AJAP1: variants seen among roughly 807,000 people sequenced by gnomAD.
AJAP1 encodes adherens junctions associated protein 1, also known as adherens junction-associated protein 1.
In AJAP1, 5 loss-of-function variants were observed where a neutral mutation model predicts 35.0. That is an observed-to-expected ratio of 0.14 (90% CI 0.07 to 0.30). The LOEUF (loss-of-function observed/expected upper bound fraction) is 0.30, where lower values mean the gene tolerates loss of function less well. Among genes scored for constraint, AJAP1 ranks in the 10% least tolerant of loss-of-function variants. The probability of loss-of-function intolerance (pLI) is 1.00; values close to 1 mark genes in which losing one functional copy is unlikely to be tolerated. For missense variants in AJAP1, 586 were observed against 571.0 expected (o/e 1.03, Z -0.27); for synonymous variants, 284 against 249.3 (o/e 1.14, Z -1.31).
chr1:4,729,431 C>T (rs1640748840), intron 2 of AJAP1, among the ~76,000 whole-genome samples: 1 of 152,232 alleles, frequency 6.6e-6, no homozygotes, highest in African/African-American at 2.4e-5. Flanking sequence ...TTTTCGGCTC[C>T]TGGCCTCTGA....
Position 4,705,395 on chromosome 1 carries a change from C to CTTTTTT in AJAP1, c.30-6476_30-6471dup, listed in dbSNP as rs58022692. The stretch of plus-strand genomic sequence containing the variant: ...AGCCAAATGGGGAAGTTTTGAAGAG[C>CTTTTTT]TTTTTTTTTTTTTTTTTTTTTTTTT... On this transcript the variant is annotated intron_variant, in intron 1 of 5. Transcript: ENST00000378191. 4.6e-4 allele frequency among the ~76,000 whole-genome samples: 11 copies of CTTTTTT among 23,800 alleles called. 1 individual carries two copies. Among genetic ancestry groups the CTTTTTT allele is most frequent in the Non-Finnish European group, 6.0e-4 (8 of 13,354 alleles). 15.6% of individuals were successfully genotyped at this position (23,800 alleles called of 152,430 possible).
At chr1:4,745,796 T>C (rs1461568546) in intron 2 of AJAP1, among the ~76,000 whole-genome samples, 1 of 152,126 alleles carries the variant, frequency 6.6e-6, no homozygotes, top group Non-Finnish European at 1.5e-5. Flanking sequence ...AAGGCCAGCG[T>C]CCTGATGTCC....
intron 2 of AJAP1, among the ~76,000 whole-genome samples, chr1:4,716,170 A>G (rs1315886828): frequency 6.6e-6 from 1 of 152,200 alleles, no homozygotes; most frequent in East Asian, 1.9e-4. Context: ...TCTGGAAGTA[A>G]CATTACTTGG....
intron 1 of AJAP1, among the ~76,000 whole-genome samples, chr1:4,711,537 G>A (rs990687121): frequency 1.3e-5 from 2 of 152,208 alleles, no homozygotes; most frequent in African/African-American, 4.8e-5. Flanking sequence ...GGACTCACAG[G>A]TCTTTTCAGG....
In AJAP1 at chr1:4,783,212, C is replaced by CA. The variant is rs1045103122; in HGVS notation, c.*728dup. ...CAACTCACGTCACACACATATTACACACATGTGCGCATTACACACACACAA... is the reference window on the plus strand; with the variant it reads ...CAACTCACGTCACACACATATTACACAACATGTGCGCATTACACACACACAA... On this transcript the variant is annotated 3_prime_UTR_variant, in exon 6 of 6. Transcript: ENST00000378191. 2 of 131,476 alleles carry CA rather than the reference C, an allele frequency of 1.5e-5. No homozygotes were observed. Among genetic ancestry groups the CA allele is most frequent in the Non-Finnish European group, 1.4e-5 (1 of 71,398 alleles). 8.1% of individuals were successfully genotyped at this position (131,476 alleles called of 1,614,324 possible). A position where few individuals can be genotyped will look rare whatever the true frequency, so the allele number is the denominator to read the frequency against.
Position 4,692,349 on chromosome 1 carries a change from C to T in AJAP1, c.30-19551C>T, listed in dbSNP as rs1438729079. ...CTCTGGGCCCCTCATGCAGCCCTTT[C>T]CCTTCTGGCCTCTCAGCCTGCAGGA... On this transcript the variant is annotated intron_variant, in intron 1 of 5. Coordinates refer to ENST00000378191, the MANE Select transcript of AJAP1 (RefSeq NM_018836.4). The surrounding 1 kb of genome is among the most constrained non-coding windows in gnomAD (Gnocchi z 4.4). 6.6e-6 allele frequency among the ~76,000 whole-genome samples: 1 copy of T among 152,162 alleles called. No individual in the cohort carries two copies. Among genetic ancestry groups the T allele is most frequent in the Non-Finnish European group, 1.5e-5 (1 of 68,028 alleles).
At chr1:4,710,286 TCA>T (rs1264465005) in intron 1 of AJAP1, among the ~76,000 whole-genome samples, 4 of 151,916 alleles carry the variant, frequency 2.6e-5, no homozygotes, top group East Asian at 1.9e-4. Flanking sequence ...CAGTACACTC[TCA>T]CACACGCACC....
At chr1:4,685,628 C>G (rs555686755) in intron 1 of AJAP1, among the ~76,000 whole-genome samples, 64 of 146,702 alleles carry the variant, frequency 4.4e-4, no homozygotes, top group African/African-American at 1.6e-3. Context: ...GCTGGAGGAG[C>G]TCATTGCCGG....
intron 1 of AJAP1, among the ~76,000 whole-genome samples, chr1:4,687,485 C>G (rs537771521): frequency 1.3e-5 from 2 of 152,156 alleles, no homozygotes; most frequent in African/African-American, 4.8e-5. Flanking sequence ...GGGCTGGGAC[C>G]AAGACCCCTG....
intron 2 of AJAP1, among the ~76,000 whole-genome samples, chr1:4,727,256 T>C (rs242045): frequency 0.57 from 86,964 of 152,072 alleles, 26,154 homozygotes; most frequent in East Asian, 0.99. Flanking sequence ...AGCCTCAGAA[T>C]AGTGTGGCCT....
intron 2 of AJAP1, among the ~76,000 whole-genome samples, chr1:4,738,371 G>A (rs143441599): frequency 5.3e-5 from 8 of 152,376 alleles, no homozygotes; most frequent in African/African-American, 1.9e-4. Context: ...CAAGAAGAAT[G>A]TGGATTGACT....
At chr1:4,747,170 G>A (rs1336938457) in intron 2 of AJAP1, among the ~76,000 whole-genome samples, 1 of 152,194 alleles carries the variant, frequency 6.6e-6, no homozygotes, top group African/African-American at 2.4e-5. Context: ...TGAGAGGTCT[G>A]TCCTTGCGGG....
At chr1:4,725,784 C>T (rs1033255545) in intron 2 of AJAP1, among the ~76,000 whole-genome samples, 1 of 152,104 alleles carries the variant, frequency 6.6e-6, no homozygotes, top group Non-Finnish European at 1.5e-5. Flanking sequence ...GCTTGTAGAC[C>T]CTGTCTCCTC....
chr1:4,772,340 G>A lies in AJAP1; in HGVS notation c.978G>A (p.Glu326=), dbSNP rs145524113. 7 of 1,614,224 alleles carry A rather than the reference G, an allele frequency of 4.3e-6. No homozygotes were observed. The highest frequency in any genetic ancestry group is 5.9e-6 in the Non-Finnish European group (7 of 1,180,044). ...ACCAGCGGAAGACCAACCAGCAGGA[G>A]GAGAGCTGCCAGAACCTCACGGACT... The part of the protein sequence containing the change: ...NSHQRKTNQQ[E]ESCQNLTDFP... Residue 326 remains glutamate (E), a synonymous_variant, in exon 4 of 6, where the codon GAG becomes GAA. Coordinates refer to ENST00000378191, the MANE Select transcript of AJAP1 (RefSeq NM_018836.4).
chr1:4,718,461 T>A (rs1258370192), intron 2 of AJAP1, among the ~76,000 whole-genome samples: 1 of 151,870 alleles, frequency 6.6e-6, no homozygotes. Flanking sequence ...AGAACTGAGA[T>A]GTCCAGCCTA....
At position 4,783,932 on chromosome 1, in the gene AJAP1, A is replaced by G. The variant is rs1642118365; in HGVS notation, c.*1447A>G. 1 of 152,196 alleles carries G rather than the reference A, an allele frequency of 6.6e-6. No individual in the cohort carries two copies. The highest frequency in any genetic ancestry group is 1.5e-5 in the Non-Finnish European group (1 of 68,046). The allele number at this position is 152,196 out of a possible 1,614,324, so 9.4% of individuals were successfully genotyped here. A position where few individuals can be genotyped will look rare whatever the true frequency, so the allele number is the denominator to read the frequency against. ...AGCGCCCTGACCTGGCCTGTGCTGC[A>G]TTGCCTTCCCTTGCGCAGGTGGGCA... On this transcript the variant is annotated 3_prime_UTR_variant, in exon 6 of 6. Coordinates refer to ENST00000378191, the MANE Select transcript of AJAP1 (RefSeq NM_018836.4).
chr1:4,755,820 T>TG (rs1428033544), intron 2 of AJAP1, among the ~76,000 whole-genome samples: 4 of 129,728 alleles, frequency 3.1e-5, no homozygotes, highest in Admixed American at 2.3e-4. Context: ...GGCGGGGTGG[T>TG]GGGGGGATTA....
At chr1:4,687,990 C>A (rs1177801016) in intron 1 of AJAP1, among the ~76,000 whole-genome samples, 4 of 152,220 alleles carry the variant, frequency 2.6e-5, no homozygotes, top group Non-Finnish European at 5.9e-5. Flanking sequence ...GCAGGGCCCA[C>A]AGAACCTCTC....
At chr1:4,763,659 G>A (rs896406976) in intron 2 of AJAP1, among the ~76,000 whole-genome samples, 7 of 151,996 alleles carry the variant, frequency 4.6e-5, no homozygotes, top group Non-Finnish European at 1.0e-4. Flanking sequence ...ATCTGTTGAG[G>A]GCCCAGGCAG....
Sources: allele counts gnomAD v4.1 joint callset (sites outside exome capture counted in the v4.1 genomes callset), GRCh38; gene constraint gnomAD v4.1.1; non-coding constraint Gnocchi (gnomAD v3.1); transcripts MANE v1.5; gene names NCBI Gene and HGNC (gene_info 2026-07-23, HGNC 2026-07-21).